The following PTPRO variants were observed in gnomAD, a reference collection of about 807,000 sequenced individuals.
PTPRO encodes protein tyrosine phosphatase receptor type O, also known as receptor-type tyrosine-protein phosphatase O.
A neutral mutation model predicts 145.2 loss-of-function variants in PTPRO; 62 were observed. That is an observed-to-expected ratio of 0.43 (90% CI 0.35 to 0.53). PTPRO has a LOEUF of 0.53. Ranked by LOEUF, PTPRO falls within the 20% of genes least tolerant of loss-of-function variation. The pLI, the probability that PTPRO is intolerant of heterozygous loss-of-function variation, is 0.01. For missense variants in PTPRO, 1,345 were observed against 1,482.7 expected, an observed-to-expected ratio of 0.91 and a Z score of 1.53; for synonymous variants, 565 against 514.7, an observed-to-expected ratio of 1.10 and a Z score of -1.32.
chr12:15,585,445 G>C (rs1406097322), intron 23 of PTPRO, among the ~76,000 whole-genome samples: 1 of 152,184 alleles, frequency 6.6e-6, no homozygotes, highest in Non-Finnish European at 1.5e-5. Flanking sequence ...AACATAGTAG[G>C]GGAGGCACTG....
At chr12:15,554,339 G>C (rs1591725898) in intron 15 of PTPRO, among the ~76,000 whole-genome samples, 1 of 152,028 alleles carries the variant, frequency 6.6e-6, no homozygotes, top group East Asian at 1.9e-4. Flanking sequence ...GAGTTCTCTA[G>C]AGGGTCAAAA....
intron 1 of PTPRO, among the ~76,000 whole-genome samples, chr12:15,412,850 G>A (rs1376905189): frequency 6.6e-6 from 1 of 152,154 alleles, no homozygotes; most frequent in Non-Finnish European, 1.5e-5. Flanking sequence ...CTGGAGTGCA[G>A]TGACGCAATC....
intron 17 of PTPRO, among the ~76,000 whole-genome samples, chr12:15,563,698 A>T (rs529952853): frequency 6.6e-6 from 1 of 152,212 alleles, no homozygotes; most frequent in African/African-American, 2.4e-5. Context: ...TCAAGTTTCT[A>T]CGCAGCTGCC....
At chr12:15,484,678 TGA>T (rs1223551847) in intron 2 of PTPRO, among the ~76,000 whole-genome samples, 1 of 152,116 alleles carries the variant, frequency 6.6e-6, no homozygotes, top group Non-Finnish European at 1.5e-5. Context: ...GGTCTTTGGC[TGA>T]GAGAGAGAAA....
chr12:15,502,193 G>A lies in PTPRO; in HGVS notation c.1105+130G>A, dbSNP rs540705693. The A allele has an allele frequency of 4.1e-5, 39 of 942,726 alleles. No homozygotes were observed. The East Asian group carries it at 4.9e-4, about 12-fold the overall frequency. 58.4% of individuals were successfully genotyped at this position (942,726 alleles called of 1,614,324 possible). On this transcript the variant is annotated intron_variant, in intron 5 of 26. Transcript: ENST00000281171. ...GTCAAAGAATAATGGTAATGAAAGG[G>A]GAGAATTTAATTGAGTATCCAATGC...
intron 1 of PTPRO, among the ~76,000 whole-genome samples, chr12:15,397,321 C>T (rs1423852204): frequency 6.6e-6 from 1 of 152,184 alleles, no homozygotes; most frequent in African/African-American, 2.4e-5. Flanking sequence ...TATGCTTTCA[C>T]ATATATTTCT....
chr12:15,336,691 A>C (rs1436074305), intron 1 of PTPRO, among the ~76,000 whole-genome samples: 2 of 152,210 alleles, frequency 1.3e-5, no homozygotes, highest in African/African-American at 4.8e-5. Context: ...CAGTGTACTG[A>C]TCTCTTCATA....
chr12:15,431,110 T>C (rs1404369096), intron 1 of PTPRO, among the ~76,000 whole-genome samples: 3 of 152,224 alleles, frequency 2.0e-5, no homozygotes, highest in Admixed American at 6.5e-5. Context: ...AAGGGTAGCA[T>C]AGGGGCTTGT....
intron 1 of PTPRO, among the ~76,000 whole-genome samples, chr12:15,412,407 G>A (rs1358093654): frequency 1.3e-5 from 2 of 152,178 alleles, no homozygotes; most frequent in East Asian, 1.9e-4. Context: ...GGCTATCATG[G>A]GGTCATTGGA....
intron 1 of PTPRO, among the ~76,000 whole-genome samples, chr12:15,430,470 G>T (rs1185540036): frequency 1.3e-5 from 2 of 152,026 alleles, no homozygotes; most frequent in Non-Finnish European, 2.9e-5. Flanking sequence ...AGTACAGAAG[G>T]GTTCTGAAAT....
In PTPRO at chr12:15,407,806, T is replaced by C. The variant is rs1264104548; in HGVS notation, c.76-76168T>C. Among the ~76,000 whole-genome samples the C allele has an allele frequency of 2.0e-5, 3 of 152,254 alleles. No homozygotes were observed. In the South Asian group the frequency reaches 6.2e-4, roughly 32 times the overall value. The stretch of plus-strand genomic sequence containing the variant: ...ATGACTATTTCTTCAAATTTTTCTC[T>C]GATCTTTGTGTGAGAGACTTGAAAC... On this transcript the variant is annotated intron_variant, in intron 1 of 26. Coordinates refer to ENST00000281171, the MANE Select transcript of PTPRO (RefSeq NM_030667.3).
At chr12:15,445,960 G>A (rs952919469) in intron 1 of PTPRO, among the ~76,000 whole-genome samples, 1 of 152,032 alleles carries the variant, frequency 6.6e-6, no homozygotes, top group Non-Finnish European at 1.5e-5. Context: ...AGGATGCAGA[G>A]CACTCATGAA....
At chr12:15,487,327 A>G (rs1941909879) in intron 2 of PTPRO, among the ~76,000 whole-genome samples, 2 of 151,936 alleles carry the variant, frequency 1.3e-5, no homozygotes, top group South Asian at 2.1e-4. Context: ...CTGATACTCT[A>G]CTTTGTATTA....
At chr12:15,346,587 T>C (rs1425830206) in intron 1 of PTPRO, 1 of 152,238 alleles carries the variant, frequency 6.6e-6, no homozygotes, top group African/African-American at 2.4e-5. Context: ...CTTTGTCGAC[T>C]AGAAGATTAG....
At chr12:15,499,647 G>C in intron 4 of PTPRO, 53 bp downstream of exon 4, 1 of 1,553,134 alleles carries the variant, frequency 6.4e-7, no homozygotes, top group Non-Finnish European at 8.9e-7. Context: ...GTTATATTTT[G>C]CTGTACATTT....
At chr12:15,557,334 T>G in intron 15 of PTPRO, 121 bp from the exon 16 acceptor site, 1 of 965,072 alleles carries the variant, frequency 1.0e-6, no homozygotes, top group Non-Finnish European at 1.6e-6. Context: ...CTGGCCTAGC[T>G]TCTTCTTTTT....
chr12:15,405,653 C>A (rs774764412), intron 1 of PTPRO, among the ~76,000 whole-genome samples: 4 of 152,124 alleles, frequency 2.6e-5, no homozygotes, highest in South Asian at 4.1e-4. Context: ...TATCTAGGAC[C>A]ATCTTTATTC....
chr12:15,435,773 T>G (rs1940578954), intron 1 of PTPRO, among the ~76,000 whole-genome samples: 1 of 152,208 alleles, frequency 6.6e-6, no homozygotes, highest in Non-Finnish European at 1.5e-5. Flanking sequence ...GTACCATGGA[T>G]AGCAGAACAC....
At chr12:15,505,754 G>A (rs781262373) in intron 6 of PTPRO, among the ~76,000 whole-genome samples, 2 of 152,188 alleles carry the variant, frequency 1.3e-5, no homozygotes, top group Non-Finnish European at 2.9e-5. Context: ...TCACACACCA[G>A]CAAAAGTATA....
Sources: gnomAD v4.1 joint callset for allele counts (sites outside exome capture counted in the v4.1 genomes callset) on GRCh38, gnomAD v4.1.1 for gene constraint, MANE v1.5 for transcripts, NCBI Gene and HGNC (gene_info 2026-07-23, HGNC 2026-07-21) for gene names.